AGMO: variants seen among roughly 807,000 people sequenced by gnomAD.
AGMO encodes the protein glyceryl-ether monooxygenase.
Under a neutral mutation model 60.2 loss-of-function variants are expected in AGMO, and 75 were observed. That is an observed-to-expected ratio of 1.25 (90% CI 1.03 to 1.51). The LOEUF (loss-of-function observed/expected upper bound fraction) is 1.51. Among genes scored for constraint, AGMO ranks in the 40% most tolerant of loss-of-function variants. The probability of loss-of-function intolerance (pLI) is 0.00; values close to 1 mark genes in which losing one functional copy is unlikely to be tolerated. For synonymous variants in AGMO, 261 were observed against 177.1 expected, an observed-to-expected ratio of 1.47 and a Z score of -3.76; for missense variants, 763 against 525.5, an observed-to-expected ratio of 1.45 and a Z score of -4.42.
chr7:15,371,259 A>C (rs1025355341), intron 10 of AGMO, among the ~76,000 whole-genome samples: 1 of 151,932 alleles, frequency 6.6e-6, no homozygotes, highest in African/African-American at 2.4e-5. Context: ...TACTCCCATC[A>C]CTCAGGTTTG....
chr7:15,226,935 A>T (rs745367289), intron 12 of AGMO, among the ~76,000 whole-genome samples: 1 of 152,076 alleles, frequency 6.6e-6, no homozygotes, highest in African/African-American at 2.4e-5. Context: ...CCAACAAAAT[A>T]CCACCTATAA....
At chr7:15,474,655 A>G (rs1297984654) in intron 3 of AGMO, among the ~76,000 whole-genome samples, 1 of 152,190 alleles carries the variant, frequency 6.6e-6, no homozygotes, top group African/African-American at 2.4e-5. Flanking sequence ...TTCATGACTA[A>G]TACACCAAAA....
Position 15,366,237 on chromosome 7 carries a change from C to G in AGMO, c.1075-15G>C, listed in dbSNP as rs746835560. 3 of 1,589,236 alleles carry G rather than the reference C, an allele frequency of 1.9e-6. No individual in the cohort carries two copies. The highest frequency in any genetic ancestry group is 1.4e-5 in the African/African-American group (1 of 73,818). On this transcript the variant is annotated splice_polypyrimidine_tract_variant and intron_variant, in intron 10 of 12. Transcript: ENST00000342526. ...TGCGACAGTGCCTGTCAAACAAACA[C>G]GGAGATCAATGGAGCCGTTAGAAGA... is the stretch of plus-strand genomic sequence containing the variant.
At chr7:15,355,459 T>G (rs1443315162) in intron 12 of AGMO, among the ~76,000 whole-genome samples, 1 of 126,240 alleles carries the variant, frequency 7.9e-6, no homozygotes, top group African/African-American at 3.2e-5. Context: ...GCCCAGATCA[T>G]GCCACTGCAC....
intron 12 of AGMO, among the ~76,000 whole-genome samples, chr7:15,242,554 T>C (rs1782622160): frequency 6.6e-6 from 1 of 152,142 alleles, no homozygotes; most frequent in Non-Finnish European, 1.5e-5. Flanking sequence ...AGATCCAGTA[T>C]CTAACCTGGG....
intron 4 of AGMO, among the ~76,000 whole-genome samples, chr7:15,426,726 C>T (rs1053493895): frequency 2.0e-5 from 3 of 151,334 alleles, no homozygotes; most frequent in Non-Finnish European, 4.4e-5. Flanking sequence ...CCAACCTGGG[C>T]GACAGAGTGA....
At chr7:15,258,268 T>C (rs1017714059) in intron 12 of AGMO, among the ~76,000 whole-genome samples, 3 of 152,136 alleles carry the variant, frequency 2.0e-5, no homozygotes, top group Non-Finnish European at 2.9e-5. Flanking sequence ...GGACCAAAGA[T>C]AATTGTTTTT....
chr7:15,249,489 T>C (rs550316137), intron 12 of AGMO, among the ~76,000 whole-genome samples: 1 of 152,360 alleles, frequency 6.6e-6, no homozygotes, highest in South Asian at 2.1e-4. Flanking sequence ...GTTTTCCTGC[T>C]ATCCCATATC....
chr7:15,502,252 A>G (rs1182126741), intron 3 of AGMO, among the ~76,000 whole-genome samples: 1 of 152,038 alleles, frequency 6.6e-6, no homozygotes, highest in Non-Finnish European at 1.5e-5. Context: ...GAGGAGATCA[A>G]CTGAGTCCAG....
chr7:15,368,887 T>C lies in AGMO; in HGVS notation c.1075-2665A>G, dbSNP rs192734697. ...ACTGGACTCAGAGTGGAAACCAACTTGATGCAGGAATCCACCACCTAGTCA... is the reference window on the plus strand; with the variant it reads ...ACTGGACTCAGAGTGGAAACCAACTCGATGCAGGAATCCACCACCTAGTCA... On this transcript the variant is annotated intron_variant, in intron 10 of 12. Transcript: ENST00000342526. Among the ~76,000 whole-genome samples the C allele has an allele frequency of 2.6e-5, 4 of 152,238 alleles. 1 individual carries two copies. Among genetic ancestry groups the C allele is most frequent in the Admixed American group, 2.0e-4 (3 of 15,276 alleles).
chr7:15,277,266 T>C lies in AGMO; in HGVS notation c.1264-75907A>G, dbSNP rs1783825053. Among the ~76,000 whole-genome samples, 4 of 151,794 alleles carry C rather than the reference T, an allele frequency of 2.6e-5. No homozygotes were observed. The South Asian group carries it at 6.3e-4, about 24-fold the overall frequency. On this transcript the variant is annotated intron_variant, in intron 12 of 12. Coordinates refer to ENST00000342526, the MANE Select transcript of AGMO (RefSeq NM_001004320.2). ...GTGTCAGTGAGTACAGATCATGCCA[T>C]TGCACTCCAACATGGGTTACAGAGC...
chr7:15,535,895 T>A (rs1462088353), intron 3 of AGMO, among the ~76,000 whole-genome samples: 1 of 151,632 alleles, frequency 6.6e-6, no homozygotes, highest in Non-Finnish European at 1.5e-5. Flanking sequence ...CAGCAACTTT[T>A]ATTTGTTCAC....
chr7:15,183,129 C>CT, the AGMO span, among the ~76,000 whole-genome samples: 105,704 of 148,978 alleles, frequency 0.71, 37,502 homozygotes, highest in Middle Eastern at 0.8. Flanking sequence ...TTCAAGTATA[C>CT]TTTTTTTTTT....
chr7:15,322,494 A>G (rs1471652128), intron 12 of AGMO, among the ~76,000 whole-genome samples: 6 of 90,724 alleles, frequency 6.6e-5, no homozygotes, highest in Middle Eastern at 6.3e-3. Flanking sequence ...ATAAATATAT[A>G]TAAATATATA....
At chr7:15,364,550 C>T (rs1289362056) in intron 12 of AGMO, among the ~76,000 whole-genome samples, 1 of 151,934 alleles carries the variant, frequency 6.6e-6, no homozygotes, top group Non-Finnish European at 1.5e-5. Context: ...GCTAATCTTA[C>T]GTCATGACAA....
At chr7:15,183,687 G>C in the AGMO span, among the ~76,000 whole-genome samples, 1 of 152,192 alleles carries the variant, frequency 6.6e-6, no homozygotes, top group East Asian at 1.9e-4. Context: ...CTACTTAAGA[G>C]AGTCAATGTG....
intron 12 of AGMO, among the ~76,000 whole-genome samples, chr7:15,363,770 G>C (rs758571790): frequency 6.6e-6 from 1 of 152,084 alleles, no homozygotes; most frequent in Non-Finnish European, 1.5e-5. Flanking sequence ...ACTGGCTAAT[G>C]TAAGGAACCT....
intron 3 of AGMO, among the ~76,000 whole-genome samples, chr7:15,467,624 T>C (rs1360855556): frequency 6.6e-6 from 1 of 152,158 alleles, no homozygotes; most frequent in Non-Finnish European, 1.5e-5. Context: ...ACTGTTTCTA[T>C]AATGGTTCTT....
At position 15,387,552 on chromosome 7, in the gene AGMO, A is replaced by T. The variant is rs748574743; in HGVS notation, c.823-12T>A. The T allele has an allele frequency of 2.6e-6, 4 of 1,553,024 alleles. No individual in the cohort carries two copies. The highest frequency in any genetic ancestry group is 2.2e-5 in the African/African-American group (1 of 45,318). On this transcript the variant is annotated splice_polypyrimidine_tract_variant and intron_variant, in intron 8 of 12. Coordinates refer to ENST00000342526, the MANE Select transcript of AGMO (RefSeq NM_001004320.2). ...AATAAGTGATGGAACTAGAAACAAT[A>T]AAAAAAGAGCTTATTTCACATAAGA...
Sources: gnomAD v4.1 joint callset for allele counts (sites outside exome capture counted in the v4.1 genomes callset) on GRCh38, gnomAD v4.1.1 for gene constraint, MANE v1.5 for transcripts, NCBI Gene and HGNC (gene_info 2026-07-23, HGNC 2026-07-21) for gene names.